CD4: variants seen among roughly 807,000 people sequenced by gnomAD.
The protein encoded by CD4 is T-cell surface glycoprotein CD4.
In CD4, 25 loss-of-function variants were observed where a neutral mutation model predicts 50.5. The observed-to-expected ratio is 0.49, with a 90% CI of 0.36 to 0.69. CD4 has a LOEUF of 0.69. Among genes scored for constraint, CD4 ranks in the 30% least tolerant of loss-of-function variants. The pLI is 0.00. For missense variants in CD4, 456 were observed against 548.5 expected (o/e 0.83, Z 1.68); for synonymous variants, 207 against 221.9 (o/e 0.93, Z 0.60).
At position 6,814,978 on chromosome 12, in the gene CD4, A is replaced by G. The variant is rs782730611; in HGVS notation, c.593A>G (p.Asp198Gly). The change falls in exon 5 of 10, where the codon GAC (aspartate) becomes GGC (glycine). Residue 198 changes from aspartate to glycine, a missense_variant. Physicochemically the swap from Asp to Gly is moderately conservative, Grantham distance 94. Transcript: ENST00000011653. Reference protein sequence around the residue: ...QNQKKVEFKIDIVVLAFQKAS... With the variant: ...QNQKKVEFKIGIVVLAFQKAS... The stretch of plus-strand genomic sequence containing the variant: ...CAGAAGAAGGTGGAGTTCAAAATAG[A>G]CATCGTGGTGCTAGGTAAGGGAAGC... 3.7e-6 allele frequency: 6 copies of G among 1,611,438 alleles called. No homozygotes were observed. The South Asian group carries it at 6.6e-5, about 18-fold the overall frequency.
At chr12:6,810,184 C>A (rs202209518) in intron 3 of CD4, among the ~76,000 whole-genome samples, 1 of 132 alleles carries the variant, frequency 7.6e-3, no homozygotes, top group Non-Finnish European at 0.016. Context: ...GCCACCGCAC[C>A]TGCCACAGGC....
intron 1 of CD4, among the ~76,000 whole-genome samples, chr12:6,794,221 C>T (rs1942293859): frequency 6.6e-6 from 1 of 150,542 alleles, no homozygotes; most frequent in South Asian, 2.1e-4. Context: ...TACCCACCAC[C>T]ACTCCTGGCT....
At position 6,818,027 on chromosome 12, in the gene CD4, C is replaced by G. The variant is rs181919668; in HGVS notation, c.1157-394C>G. On this transcript the variant is annotated intron_variant, in intron 7 of 9. Transcript: ENST00000011653. This position sits in a 1 kb window ranked among gnomAD's most constrained non-coding sequence, Gnocchi z 5.0. ...GCAGTCACGCACACACATTCATACA[C>G]GCACACAGGCACACATTCACACACA... is the stretch of plus-strand genomic sequence containing the variant. Among the ~76,000 whole-genome samples, 597 of 151,856 alleles carry G rather than the reference C, an allele frequency of 3.9e-3. 5 individuals carry two copies. Among genetic ancestry groups the G allele is most frequent in the Middle Eastern group, 0.017 (5 of 294 alleles).
intron 7 of CD4, among the ~76,000 whole-genome samples, chr12:6,817,962 CATT>C (rs1473708420): frequency 2.0e-5 from 3 of 152,196 alleles, no homozygotes; most frequent in South Asian, 2.1e-4. Flanking sequence ...TCCGCACACG[CATT>C]ATTCACACAT....
intron 1 of CD4, among the ~76,000 whole-genome samples, chr12:6,797,462 T>G (rs1039559671): frequency 3.9e-5 from 6 of 152,098 alleles, no homozygotes; most frequent in Non-Finnish European, 8.8e-5. Context: ...GACAAGAGAC[T>G]GAGAAAAGAA....
chr12:6,818,724 G>GCCATCTATCCTGGA lies in CD4; in HGVS notation c.1279-123_1279-122insCCATCTATCCTGGA. On this transcript the variant is annotated intron_variant, in intron 8 of 9. Transcript: ENST00000011653. The surrounding 1 kb of genome is among the most constrained non-coding windows in gnomAD (Gnocchi z 5.0). ...GGAAGGAGCAGAGAGTTAATTCCAGGATAGATGGCCTGGGCCATGTAACTG... is the reference window on the plus strand; with the variant it reads ...GGAAGGAGCAGAGAGTTAATTCCAGGCCATCTATCCTGGAATAGATGGCCTGGGCCATGTAACTG... 8.4e-7 allele frequency: 1 copy of GCCATCTATCCTGGA among 1,192,074 alleles called. No individual in the cohort carries two copies. Among genetic ancestry groups the GCCATCTATCCTGGA allele is most frequent in the Non-Finnish European group, 1.2e-6 (1 of 804,366 alleles). 73.8% of individuals were successfully genotyped at this position (1,192,074 alleles called of 1,614,324 possible). A position where few individuals can be genotyped will look rare whatever the true frequency, so the allele number is the denominator to read the frequency against.
intron 1 of CD4, among the ~76,000 whole-genome samples, chr12:6,798,036 G>C (rs762237221): frequency 9.1e-4 from 138 of 152,204 alleles, no homozygotes; most frequent in Non-Finnish European, 1.5e-3. Flanking sequence ...TGTCTCAGTG[G>C]GGGGAAACCT....
At chr12:6,815,688 A>G (rs782448736) in intron 5 of CD4, 53 of 1,302,558 alleles carry the variant, frequency 4.1e-5, no homozygotes, top group Middle Eastern at 4.2e-4. Flanking sequence ...GGTGCCTGGC[A>G]CAGAGTAAGC....
intron 3 of CD4, among the ~76,000 whole-genome samples, chr12:6,809,953 G>A (rs1008068464): frequency 1.4e-5 from 2 of 148,086 alleles, no homozygotes; most frequent in African/African-American, 5.0e-5. Flanking sequence ...GCAGTGGCGC[G>A]ATCTCGGCTC....
intron 5 of CD4, 82 bp downstream of exon 5, chr12:6,815,074 C>T: frequency 1.0e-6 from 1 of 959,752 alleles, no homozygotes; most frequent in Non-Finnish European, 1.6e-6. Context: ...TGCCCTGTTT[C>T]TGGTTCTGGT....
At chr12:6,800,240 A>C in intron 2 of CD4, 53 bp downstream of exon 2, 1 of 1,612,188 alleles carries the variant, frequency 6.2e-7, no homozygotes, top group Non-Finnish European at 8.5e-7. Context: ...GGAAAGGCAA[A>C]GGTGGAGGAT....
In CD4 at chr12:6,803,787, A is replaced by AAAAT. The variant is rs201780056; in HGVS notation, c.214+3336_214+3339dup. Among the ~76,000 whole-genome samples the AAAAT allele has an allele frequency of 1.8e-3, 265 of 150,240 alleles. 1 individual carries two copies. The highest frequency in any genetic ancestry group is 0.011 in the East Asian group (54 of 5,052). On this transcript the variant is annotated intron_variant, in intron 3 of 9. Coordinates refer to ENST00000011653, the MANE Select transcript of CD4 (RefSeq NM_000616.5). The stretch of plus-strand genomic sequence containing the variant: ...GTGACAGAGTGAGACTCCATCACAA[A>AAAAT]AAATAAATAAATAAATAAATAAAAT...
chr12:6,815,152 G>A (rs1240413028), intron 5 of CD4, 160 bp downstream of exon 5: 6 of 603,452 alleles, frequency 9.9e-6, no homozygotes, highest in African/African-American at 3.8e-5. Flanking sequence ...GGACTCACTG[G>A]GGCCCTCATC....
Position 6,819,459 on chromosome 12 carries a change from A to G in CD4, c.*130A>G. 3 of 876,910 alleles carry G rather than the reference A, an allele frequency of 3.4e-6. No homozygotes were observed. Among genetic ancestry groups the G allele is most frequent in the South Asian group, 2.8e-5 (2 of 72,306 alleles). The allele number at this position is 876,910 out of a possible 1,614,324, so 54.3% of individuals were successfully genotyped here. The stretch of plus-strand genomic sequence containing the variant: ...CTGTTCGCCTCCTCTACAATTTGCC[A>G]TTGTTTCTCCTGGGTTAGGCCCCGG... On this transcript the variant is annotated 3_prime_UTR_variant, in exon 10 of 10. Transcript: ENST00000011653.
At chr12:6,804,484 G>A (rs893731931) in intron 3 of CD4, among the ~76,000 whole-genome samples, 2 of 152,208 alleles carry the variant, frequency 1.3e-5, no homozygotes, top group Non-Finnish European at 2.9e-5. Flanking sequence ...CATCAAGGTT[G>A]CAGAATATAA....
At position 6,803,399 on chromosome 12, in the gene CD4, T is replaced by C. The variant is rs782455671; in HGVS notation, c.214+2928T>C. Among the ~76,000 whole-genome samples, 3 of 152,200 alleles carry C rather than the reference T, an allele frequency of 2.0e-5. No homozygotes were observed. The East Asian group carries it at 5.8e-4, about 30-fold the overall frequency. On this transcript the variant is annotated intron_variant, in intron 3 of 9. Coordinates refer to ENST00000011653, the MANE Select transcript of CD4 (RefSeq NM_000616.5). The stretch of plus-strand genomic sequence containing the variant: ...TCTACCCTCAAGTGATCTACCCACC[T>C]TGGCCTCCCAAAGTGCTGGGATTAC...
intron 1 of CD4, among the ~76,000 whole-genome samples, chr12:6,795,577 G>A (rs965376663): frequency 4.6e-5 from 7 of 152,202 alleles, no homozygotes; most frequent in African/African-American, 1.7e-4. Context: ...TAGGTTAAGG[G>A]AATCAATCAA....
chr12:6,812,123 G>C (rs1459695771), intron 3 of CD4, among the ~76,000 whole-genome samples: 1 of 152,072 alleles, frequency 6.6e-6, no homozygotes, highest in Non-Finnish European at 1.5e-5. Context: ...ATATAGGCTG[G>C]GTGCAGTGGC....
At chr12:6,800,248 G>C in intron 2 of CD4, 59 bp from the exon 3 acceptor site, 1 of 1,612,640 alleles carries the variant, frequency 6.2e-7, no homozygotes, top group Non-Finnish European at 8.5e-7. Context: ...AAAGGTGGAG[G>C]ATGGGGTAGA....
Sources: allele counts gnomAD v4.1 joint callset (sites outside exome capture counted in the v4.1 genomes callset), GRCh38; gene constraint gnomAD v4.1.1; non-coding constraint Gnocchi (gnomAD v3.1); transcripts MANE v1.5; gene names NCBI Gene and HGNC (gene_info 2026-07-23, HGNC 2026-07-21).